Variants in CNTNAP2 observed in about 807,000 individuals in gnomAD.
CNTNAP2 encodes the protein contactin-associated protein-like 2.
In CNTNAP2, 98 loss-of-function variants were observed where a neutral mutation model predicts 155.2. That is an observed-to-expected ratio of 0.63 (90% CI 0.54 to 0.75). The LOEUF is 0.75. Among genes scored for constraint, CNTNAP2 ranks in the 30% least tolerant of loss-of-function variants. The probability of loss-of-function intolerance (pLI) is 0.00; values close to 1 mark genes in which losing one functional copy is unlikely to be tolerated. For missense variants in CNTNAP2, 1,727 were observed against 1,688.1 expected (o/e 1.02, Z -0.40); for synonymous variants, 651 against 631.2 (o/e 1.03, Z -0.47).
At chr7:147,402,874 TA>T (rs2116471137) in intron 10 of CNTNAP2, among the ~76,000 whole-genome samples, 1 of 148,582 alleles carries the variant, frequency 6.7e-6, no homozygotes, top group South Asian at 2.1e-4. Context: ...CTCTGCTGTA[TA>T]AACCAAATAT....
chr7:147,517,263 A>C (rs1278454068), intron 11 of CNTNAP2, among the ~76,000 whole-genome samples: 1 of 152,146 alleles, frequency 6.6e-6, no homozygotes, highest in African/African-American at 2.4e-5. Context: ...ATTCACAAAG[A>C]GTTCTTCTTA....
intron 2 of CNTNAP2, among the ~76,000 whole-genome samples, chr7:146,789,732 G>A (rs1802637725): frequency 6.6e-6 from 1 of 151,572 alleles, no homozygotes; most frequent in Non-Finnish European, 1.5e-5. Flanking sequence ...CTGATATGCA[G>A]CACCAATACG....
At chr7:147,071,375 C>G (rs1010450829) in intron 4 of CNTNAP2, among the ~76,000 whole-genome samples, 6 of 150,430 alleles carry the variant, frequency 4.0e-5, no homozygotes, top group Admixed American at 2.0e-4. Context: ...TCTGTGGGAA[C>G]AGCAGCAGGA....
intron 10 of CNTNAP2, among the ~76,000 whole-genome samples, chr7:147,479,206 T>A (rs547619667): frequency 1.3e-5 from 2 of 152,390 alleles, no homozygotes; most frequent in South Asian, 4.1e-4. Context: ...CTAAACTTTC[T>A]TTCAAAGATT....
At chr7:146,466,556 T>C (rs1236452291) in intron 1 of CNTNAP2, among the ~76,000 whole-genome samples, 1 of 152,144 alleles carries the variant, frequency 6.6e-6, no homozygotes, top group East Asian at 1.9e-4. Context: ...TTCACCCTTT[T>C]CCCAAATTCC....
At chr7:147,256,912 C>T (rs1435823880) in intron 8 of CNTNAP2, among the ~76,000 whole-genome samples, 1 of 151,614 alleles carries the variant, frequency 6.6e-6, no homozygotes, top group South Asian at 2.1e-4. Flanking sequence ...CTAGGACTGA[C>T]ATTTTACTGA....
intron 9 of CNTNAP2, among the ~76,000 whole-genome samples, chr7:147,353,698 T>A (rs1563171721): frequency 6.6e-6 from 1 of 152,100 alleles, no homozygotes; most frequent in Non-Finnish European, 1.5e-5. Flanking sequence ...TATTTCTGGG[T>A]CTAGATCCTT....
chr7:147,144,966 T>C (rs990556104), intron 8 of CNTNAP2, among the ~76,000 whole-genome samples: 6 of 152,166 alleles, frequency 3.9e-5, no homozygotes, highest in African/African-American at 9.7e-5. Context: ...ATAATTCTAA[T>C]TGAGTGCTAT....
chr7:146,129,647 C>T (rs1435672753), intron 1 of CNTNAP2, among the ~76,000 whole-genome samples: 1 of 152,174 alleles, frequency 6.6e-6, no homozygotes, highest in Non-Finnish European at 1.5e-5. Context: ...ACTTTATCAG[C>T]TTCCACATAA....
chr7:146,357,468 G>A (rs1795016234), intron 1 of CNTNAP2, among the ~76,000 whole-genome samples: 1 of 151,938 alleles, frequency 6.6e-6, no homozygotes, highest in African/African-American at 2.4e-5. Flanking sequence ...CTATATGAGT[G>A]TAGCTTATAG....
At chr7:148,003,856 T>TA (rs1407350904) in intron 15 of CNTNAP2, among the ~76,000 whole-genome samples, 1 of 152,224 alleles carries the variant, frequency 6.6e-6, no homozygotes, top group African/African-American at 2.4e-5. Context: ...ACTTCTTATT[T>TA]ATCTCTGTAT....
At chr7:147,569,184 A>G (rs974498335) in intron 12 of CNTNAP2, among the ~76,000 whole-genome samples, 3 of 152,158 alleles carry the variant, frequency 2.0e-5, no homozygotes, top group Non-Finnish European at 2.9e-5. Flanking sequence ...TTTTAATCTA[A>G]TATTTATAGA....
chr7:147,854,578 A>G (rs1266539799), intron 13 of CNTNAP2, among the ~76,000 whole-genome samples: 1 of 152,192 alleles, frequency 6.6e-6, no homozygotes, highest in Non-Finnish European at 1.5e-5. Flanking sequence ...CTTCAAGGTT[A>G]TGTTCTCAGA....
intron 14 of CNTNAP2, among the ~76,000 whole-genome samples, chr7:147,955,492 C>T (rs965617458): frequency 3.9e-5 from 6 of 152,112 alleles, no homozygotes; most frequent in African/African-American, 1.4e-4. Flanking sequence ...AAATTGATGT[C>T]TTAATATTAT....
chr7:147,406,352 A>T (rs1797005372), intron 10 of CNTNAP2, among the ~76,000 whole-genome samples: 1 of 152,096 alleles, frequency 6.6e-6, no homozygotes, highest in African/African-American at 2.4e-5. Context: ...TTTTGTTTGA[A>T]TTTTTTTCTT....
At chr7:148,221,314 G>T (rs1433278525) in intron 19 of CNTNAP2, among the ~76,000 whole-genome samples, 3 of 152,108 alleles carry the variant, frequency 2.0e-5, no homozygotes, top group African/African-American at 7.2e-5. Flanking sequence ...TCTACTGATG[G>T]CAACACATGA....
chr7:146,832,049 C>G (rs1463024661), intron 2 of CNTNAP2, among the ~76,000 whole-genome samples: 1 of 152,156 alleles, frequency 6.6e-6, no homozygotes, highest in Admixed American at 6.5e-5. Context: ...CCTGGCTACT[C>G]TAATCAACAA....
intron 8 of CNTNAP2, among the ~76,000 whole-genome samples, chr7:147,143,624 G>A (rs1801644250): frequency 6.6e-6 from 1 of 151,924 alleles, no homozygotes; most frequent in Middle Eastern, 3.4e-3. Context: ...TTACAATTCT[G>A]TTATCTTCAT....
chr7:147,748,100 A>T (rs1797074623), intron 13 of CNTNAP2, among the ~76,000 whole-genome samples: 1 of 152,234 alleles, frequency 6.6e-6, no homozygotes, highest in South Asian at 2.1e-4. Context: ...ACTCTCATTT[A>T]TCTTGCAGAG....
Sources: allele counts gnomAD v4.1 joint callset (sites outside exome capture counted in the v4.1 genomes callset), GRCh38; gene constraint gnomAD v4.1.1; transcripts MANE v1.5; gene names NCBI Gene and HGNC (gene_info 2026-07-23, HGNC 2026-07-21).